Variants in RANBP17 observed in about 807,000 individuals in gnomAD.
RANBP17 encodes RAN binding protein 17, also known as ran-binding protein 17.
RANBP17 carries 158 observed loss-of-function variants against 141.2 expected under a neutral mutation model. The ratio of observed to expected loss-of-function variants is 1.12; its 90% CI spans 0.98 to 1.28. RANBP17 has a LOEUF of 1.28. Among genes scored for constraint, RANBP17 ranks in the 50% most tolerant of loss-of-function variants. The probability of loss-of-function intolerance (pLI) is 0.00; values close to 1 mark genes in which losing one functional copy is unlikely to be tolerated. For missense variants in RANBP17, 1,438 were observed against 1,290.7 expected (o/e 1.11, Z -1.75); for synonymous variants, 430 against 450.0 (o/e 0.96, Z 0.56).
At chr5:170,984,239 T>C (rs142004482) in intron 14 of RANBP17, among the ~76,000 whole-genome samples, 10 of 152,242 alleles carry the variant, frequency 6.6e-5, no homozygotes, top group African/African-American at 2.4e-4. Context: ...GGGTGTATGG[T>C]TTCTTTCTGA....
chr5:171,251,587 A>G (rs947330228), intron 24 of RANBP17, among the ~76,000 whole-genome samples: 4 of 152,174 alleles, frequency 2.6e-5, no homozygotes, highest in African/African-American at 9.6e-5. Context: ...ATGGAAACAC[A>G]ACATACCAAA....
intron 12 of RANBP17, among the ~76,000 whole-genome samples, chr5:170,942,083 G>T (rs754839294): frequency 3.3e-5 from 5 of 152,164 alleles, no homozygotes; most frequent in South Asian, 2.1e-4. Flanking sequence ...TCTCATAGGA[G>T]CGTGAACCCT....
chr5:171,090,324 G>A (rs1312939144), intron 14 of RANBP17, among the ~76,000 whole-genome samples: 1 of 152,160 alleles, frequency 6.6e-6, no homozygotes, highest in Non-Finnish European at 1.5e-5. Context: ...TTTTGACCCT[G>A]CCCTAGAGAT....
intron 14 of RANBP17, among the ~76,000 whole-genome samples, chr5:170,973,228 A>G (rs1777117093): frequency 6.6e-6 from 1 of 152,244 alleles, no homozygotes; most frequent in African/African-American, 2.4e-5. Context: ...TTTAAACAGC[A>G]TATGATGAAA....
chr5:170,888,412 A>G (rs1340798857), intron 3 of RANBP17, among the ~76,000 whole-genome samples: 2 of 152,158 alleles, frequency 1.3e-5, no homozygotes, highest in African/African-American at 4.8e-5. Flanking sequence ...AATTTTCCTC[A>G]TATGGGTCTT....
intron 14 of RANBP17, among the ~76,000 whole-genome samples, chr5:171,166,331 T>A (rs1475136899): frequency 6.6e-6 from 1 of 152,186 alleles, no homozygotes; most frequent in African/African-American, 2.4e-5. Flanking sequence ...AGGTTTAGTC[T>A]CTTATTTCTT....
chr5:171,229,356 C>T (rs1319210333), intron 22 of RANBP17, among the ~76,000 whole-genome samples: 1 of 152,178 alleles, frequency 6.6e-6, no homozygotes. Context: ...TGGATTCCTT[C>T]ATCCATGCAC....
chr5:171,036,947 A>G (rs146852106), intron 14 of RANBP17, among the ~76,000 whole-genome samples: 195 of 152,222 alleles, frequency 1.3e-3, no homozygotes, highest in African/African-American at 4.3e-3. Context: ...TCTTTTGGAT[A>G]TATGCCCAGT....
intron 5 of RANBP17, among the ~76,000 whole-genome samples, chr5:170,903,060 G>A (rs1334565338): frequency 6.6e-6 from 1 of 152,204 alleles, no homozygotes; most frequent in Non-Finnish European, 1.5e-5. Context: ...TTCAGAGCTG[G>A]CAAGGAGGAA....
chr5:171,118,805 A>G (rs1160952213), intron 14 of RANBP17, among the ~76,000 whole-genome samples: 3 of 152,164 alleles, frequency 2.0e-5, no homozygotes. Flanking sequence ...TTCATTGATC[A>G]GTTCTAAATG....
In RANBP17 at chr5:170,966,424, C is replaced by T. The variant is rs1231530184; in HGVS notation, c.1575-1818C>T. Reference sequence around the variant, plus strand: ...CAATAAATGTAATCCAGCATATAAACAGAACCAAAGACAAAAACCACATGA... The same window carrying T: ...CAATAAATGTAATCCAGCATATAAATAGAACCAAAGACAAAAACCACATGA... On this transcript the variant is annotated intron_variant, in intron 13 of 27. Coordinates refer to ENST00000523189, the MANE Select transcript of RANBP17 (RefSeq NM_022897.5). 3.3e-5 allele frequency among the ~76,000 whole-genome samples: 5 copies of T among 152,142 alleles called. No homozygotes were observed. The East Asian group carries it at 7.7e-4, about 23-fold the overall frequency.
At chr5:170,965,994 T>A (rs1467900775) in intron 13 of RANBP17, among the ~76,000 whole-genome samples, 1 of 152,186 alleles carries the variant, frequency 6.6e-6, no homozygotes, top group Non-Finnish European at 1.5e-5. Context: ...TTGGGCAGTA[T>A]GGCCATTTTA....
At chr5:171,201,498 A>G (rs1762293438) in intron 19 of RANBP17, among the ~76,000 whole-genome samples, 1 of 152,240 alleles carries the variant, frequency 6.6e-6, no homozygotes. Context: ...TCCGTCCTAA[A>G]TGTTCATCAA....
Position 171,210,679 on chromosome 5 carries a change from C to A in RANBP17, c.2232-2952C>A, listed in dbSNP as rs988083885. Among the ~76,000 whole-genome samples the A allele has an allele frequency of 2.6e-5, 4 of 152,140 alleles. No individual in the cohort carries two copies. The South Asian group carries it at 8.3e-4, about 32-fold the overall frequency. On this transcript the variant is annotated intron_variant, in intron 20 of 27. Transcript: ENST00000523189. ...AGCATCCCTATTATATGTTGGTCAC[C>A]CTAATTTGAGCATGTGTTCCCCAAG...
intron 14 of RANBP17, among the ~76,000 whole-genome samples, chr5:171,052,422 C>G (rs1054854922): frequency 6.6e-6 from 1 of 152,100 alleles, no homozygotes; most frequent in Non-Finnish European, 1.5e-5. Context: ...TAGGATCCAA[C>G]TTCATTCCTT....
chr5:170,943,795 T>C (rs1418123562), intron 12 of RANBP17, among the ~76,000 whole-genome samples: 1 of 152,210 alleles, frequency 6.6e-6, no homozygotes, highest in Non-Finnish European at 1.5e-5. Flanking sequence ...CATGATGTTT[T>C]GATAAATACG....
intron 16 of RANBP17, among the ~76,000 whole-genome samples, chr5:171,176,443 A>G (rs1445396318): frequency 1.3e-5 from 2 of 152,152 alleles, no homozygotes; most frequent in African/African-American, 4.8e-5. Flanking sequence ...ACCTCTTTCA[A>G]TTCAGCAAAT....
At chr5:171,194,486 T>C (rs1386195472) in intron 18 of RANBP17, among the ~76,000 whole-genome samples, 3 of 152,212 alleles carry the variant, frequency 2.0e-5, no homozygotes, top group African/African-American at 7.2e-5. Flanking sequence ...TCTGGCCTCT[T>C]CCACTTAGCA....
Position 170,909,692 on chromosome 5 carries a change from G to A in RANBP17, c.521G>A (p.Arg174Lys), listed in dbSNP as rs1410429903. The change falls in exon 6 of 28, where the codon AGG (arginine) becomes AAG (lysine). Residue 174 changes from arginine to lysine, a missense_variant. Coordinates refer to ENST00000523189, the MANE Select transcript of RANBP17 (RefSeq NM_022897.5). ...TATTCTAGACCTTCAGCAAAACACAGGAAAATAGCTACCTCATTTCGTGAT... is the reference window on the plus strand; with the variant it reads ...TATTCTAGACCTTCAGCAAAACACAAGAAAATAGCTACCTCATTTCGTGAT... ...VDYSRPSAKH[R>K]KIATSFRDTS... The A allele has an allele frequency of 1.3e-6, 2 of 1,593,360 alleles. No individual in the cohort carries two copies. The highest frequency in any genetic ancestry group is 4.5e-5 in the East Asian group (2 of 44,196).
Sources: gnomAD v4.1 joint callset for allele counts (sites outside exome capture counted in the v4.1 genomes callset) on GRCh38, gnomAD v4.1.1 for gene constraint, MANE v1.5 for transcripts, NCBI Gene and HGNC (gene_info 2026-07-23, HGNC 2026-07-21) for gene names.